GREB1: variants seen among roughly 807,000 people sequenced by gnomAD.
GREB1 encodes protein GREB1.
GREB1 carries 106 observed loss-of-function variants against 200.7 expected under a neutral mutation model. That is an observed-to-expected ratio of 0.53 (90% confidence interval 0.45 to 0.62). The LOEUF is 0.62. Ranked by LOEUF, GREB1 falls within the 20% of genes least tolerant of loss-of-function variation. The pLI, the probability that GREB1 is intolerant of heterozygous loss-of-function variation, is 0.00. For missense variants in GREB1, 2,243 were observed against 2,556.8 expected (o/e 0.88, Z 2.65); for synonymous variants, 1,132 against 1,092.4 (o/e 1.04, Z -0.72).
chr2:11,576,693 G>C (rs778059094), intron 5 of GREB1, among the ~76,000 whole-genome samples, 158 bp downstream of exon 5: 1 of 152,212 alleles, frequency 6.6e-6, no homozygotes, highest in African/African-American at 2.4e-5. Context: ...TTTGCGTTAC[G>C]GGCGTTAAGC....
At chr2:11,589,678 C>T (rs886538639) in intron 10 of GREB1, among the ~76,000 whole-genome samples, 1 of 152,096 alleles carries the variant, frequency 6.6e-6, no homozygotes, top group Non-Finnish European at 1.5e-5. Flanking sequence ...GACGCAGTGG[C>T]GGAAATGGAG....
rs1672813982 is a variant in GREB1 at position 11,493,476 on chromosome 2, G to A, written c.-159+11095G>A. Among the ~76,000 whole-genome samples the A allele has an allele frequency of 2.0e-5, 3 of 152,172 alleles. No individual in the cohort carries two copies. The highest frequency in any genetic ancestry group is 4.8e-5 in the African/African-American group (2 of 41,426). The stretch of plus-strand genomic sequence containing the variant: ...CAGGAGGTGGAGCTCAGGTGGTAAT[G>A]ACAGCAATGGGGAGCGACTGTAAAT... On this transcript the variant is annotated intron_variant, in intron 1 of 2. Coordinates refer to the GREB1 transcript ENST00000628795. The surrounding 1 kb of genome is among the most constrained non-coding windows in gnomAD (Gnocchi z 4.6).
intron 1 of GREB1, among the ~76,000 whole-genome samples, chr2:11,552,772 G>A (rs563174896): frequency 1.3e-5 from 2 of 152,208 alleles, no homozygotes; most frequent in Admixed American, 6.5e-5. Flanking sequence ...AGCACTTTGG[G>A]AGGCCGAGGC....
At chr2:11,521,104 T>G (rs1266820577) in intron 1 of GREB1, among the ~76,000 whole-genome samples, 3 of 152,060 alleles carry the variant, frequency 2.0e-5, no homozygotes, top group Non-Finnish European at 4.4e-5. Flanking sequence ...GCTGGTCTTT[T>G]CTCTTCTTTG....
At chr2:11,507,428 G>A (rs1340763473) in intron 1 of GREB1, among the ~76,000 whole-genome samples, 6 of 147,536 alleles carry the variant, frequency 4.1e-5, no homozygotes, top group African/African-American at 1.5e-4. Flanking sequence ...ACCATAAACC[G>A]AAAAACAATA....
intron 4 of GREB1, among the ~76,000 whole-genome samples, chr2:11,572,548 T>C (rs759255207): frequency 1.3e-5 from 2 of 152,122 alleles, no homozygotes; most frequent in Admixed American, 1.3e-4. Flanking sequence ...GCCTTCCCTT[T>C]GATGGTTGGA....
At chr2:11,566,131 G>A (rs558363640) in intron 3 of GREB1, among the ~76,000 whole-genome samples, 1 of 152,032 alleles carries the variant, frequency 6.6e-6, no homozygotes, top group African/African-American at 2.4e-5. Context: ...TGATTCTCCT[G>A]CCCCAGCCTG....
intron 1 of GREB1, among the ~76,000 whole-genome samples, chr2:11,537,728 A>G (rs7606982): frequency 0.24 from 35,305 of 147,026 alleles, 5,771 homozygotes; most frequent in African/African-American, 0.46. Flanking sequence ...TGATATTTAT[A>G]TAATATATAA....
chr2:11,527,694 A>G (rs1176996545), intron 1 of GREB1, among the ~76,000 whole-genome samples: 1 of 152,212 alleles, frequency 6.6e-6, no homozygotes, highest in East Asian at 1.9e-4. Flanking sequence ...CCTAGGCTCC[A>G]TAGATTCTAT....
intron 1 of GREB1, among the ~76,000 whole-genome samples, chr2:11,555,652 C>T (rs780594279): frequency 6.6e-6 from 1 of 152,080 alleles, no homozygotes; most frequent in African/African-American, 2.4e-5. Flanking sequence ...CTGAATGATT[C>T]CATTTATACA....
chr2:11,575,610 A>T (rs182679845), intron 4 of GREB1, among the ~76,000 whole-genome samples: 3 of 152,214 alleles, frequency 2.0e-5, no homozygotes, highest in Non-Finnish European at 4.4e-5. Flanking sequence ...ACTGGCTGCT[A>T]AGCCACGGAA....
chr2:11,607,757 T>C lies in GREB1; in HGVS notation c.2667-2931T>C, dbSNP rs181672447. Among the ~76,000 whole-genome samples, 145 of 152,130 alleles carry C rather than the reference T, an allele frequency of 9.5e-4. 1 individual carries two copies. Among genetic ancestry groups the C allele is most frequent in the African/African-American group, 3.3e-3 (139 of 41,534 alleles). On this transcript the variant is annotated intron_variant, in intron 17 of 32. Coordinates refer to ENST00000381486, the MANE Select transcript of GREB1 (RefSeq NM_014668.4). ...TGATGATACATAGTTACTGTGTTTA[T>C]TAATCAGGACTCTTTGTTGCAAGTA...
chr2:11,514,880 GCA>G (rs1357224847), intron 1 of GREB1, among the ~76,000 whole-genome samples: 1 of 152,212 alleles, frequency 6.6e-6, no homozygotes, highest in Non-Finnish European at 1.5e-5. Flanking sequence ...GCTGTGCTTG[GCA>G]CAGAGTGGGC....
At position 11,539,058 on chromosome 2, in the gene GREB1, CTTCT is replaced by C. The variant is rs1254170439; in HGVS notation, c.-162+4805_-162+4808del. Among the ~76,000 whole-genome samples the C allele has an allele frequency of 2.1e-3, 239 of 116,322 alleles. 2 individuals carry two copies. The highest frequency in any genetic ancestry group is 5.4e-3 in the African/African-American group (199 of 36,828). 76.3% of individuals were successfully genotyped at this position (116,322 alleles called of 152,430 possible). A position where few individuals can be genotyped will look rare whatever the true frequency, so the allele number is the denominator to read the frequency against. On this transcript the variant is annotated intron_variant, in intron 1 of 32. Coordinates refer to ENST00000381486, the MANE Select transcript of GREB1 (RefSeq NM_014668.4). Reference sequence around the variant, plus strand: ...CTTCTCTTCTCTTCTCTTCTCTTCTCTTCTCTTCTCTTATGATAGGGTCTCACTT... The same window carrying C: ...CTTCTCTTCTCTTCTCTTCTCTTCTCCTTCTCTTATGATAGGGTCTCACTT...
chr2:11,642,157 C>G lies in GREB1; in HGVS notation c.*1703C>G, dbSNP rs1415451146. On this transcript the variant is annotated 3_prime_UTR_variant, in exon 33 of 33. Coordinates refer to ENST00000381486, the MANE Select transcript of GREB1 (RefSeq NM_014668.4). ...GGAGACGGAGTTTCACTCTTGCTGC[C>G]CAGGCTGGAGTGCAATGGTGCAATG... The G allele has an allele frequency of 6.6e-6, 1 of 151,990 alleles. No individual in the cohort carries two copies. Among genetic ancestry groups the G allele is most frequent in the East Asian group, 1.9e-4 (1 of 5,182 alleles). The allele number at this position is 151,990 out of a possible 1,614,324, so 9.4% of individuals were successfully genotyped here.
In GREB1 at chr2:11,618,564, C is replaced by T. The variant is rs1402515469; in HGVS notation, c.3689C>T (p.Ser1230Phe). ...CTGTCCTCCTCCTCGGGCTCATCCT[C>T]CTCATCCGTGGCGCCCGCTGCCGGC... is the stretch of plus-strand genomic sequence containing the variant. ...SQLSSSSGSS[S>F]SSVAPAAGTW... The change falls in exon 22 of 33, where the codon TCC becomes TTC. Residue 1230 changes from serine to phenylalanine, a missense_variant. By Grantham distance (155) the Ser-to-Phe change is radical. This residue lies in a region of GREB1 where 587 missense variants were observed against 553.1 expected (regional missense o/e 1.06). Coordinates refer to ENST00000381486, the MANE Select transcript of GREB1 (RefSeq NM_014668.4). 6.2e-7 allele frequency: 1 copy of T among 1,612,976 alleles called. No homozygotes were observed. Among genetic ancestry groups the T allele is most frequent in the Admixed American group, 1.7e-5 (1 of 59,984 alleles).
Position 11,610,935 on chromosome 2 carries a change from G to T in GREB1, c.2914G>T (p.Ala972Ser). Reference sequence around the variant, plus strand: ...CTATGAGCGGCTGGCCCACGTGCGGGCCCGGCTGGCGCTGGAGGAGCACTT... The same window carrying T: ...CTATGAGCGGCTGGCCCACGTGCGGTCCCGGCTGGCGCTGGAGGAGCACTT... Reference protein sequence around the residue: ...VAYERLAHVRARLALEEHFEI... With the variant: ...VAYERLAHVRSRLALEEHFEI... The change falls in exon 18 of 33, where the codon GCC becomes TCC. Residue 972 changes from alanine to serine, a missense_variant. Ala to Ser is a moderately conservative substitution (Grantham distance 99). Transcript: ENST00000381486. 6.2e-7 allele frequency: 1 copy of T among 1,611,146 alleles called. No homozygotes were observed. The highest frequency in any genetic ancestry group is 8.5e-7 in the Non-Finnish European group (1 of 1,179,116).
chr2:11,605,898 A>G (rs1682235667), intron 17 of GREB1, among the ~76,000 whole-genome samples: 1 of 152,258 alleles, frequency 6.6e-6, no homozygotes, highest in African/African-American at 2.4e-5. Context: ...TTACAGATAA[A>G]GGTGCTATGA....
chr2:11,511,884 C>T lies in GREB1; in HGVS notation c.-159+29503C>T, dbSNP rs115930652. Among the ~76,000 whole-genome samples, 923 of 152,250 alleles carry T rather than the reference C, an allele frequency of 6.1e-3. 10 individuals are homozygous for T. The highest frequency in any genetic ancestry group is 0.021 in the African/African-American group (882 of 41,536). ...GACACACCTCGGATGCCTGGCCCAG[C>T]GCTGGTCCGTGGAGGAGACCTTGGT... On this transcript the variant is annotated intron_variant, in intron 1 of 2. Coordinates refer to the GREB1 transcript ENST00000628795.
Sources: allele counts gnomAD v4.1 joint callset (sites outside exome capture counted in the v4.1 genomes callset), GRCh38; gene constraint gnomAD v4.1.1; regional missense constraint gnomAD v4.1.1; non-coding constraint Gnocchi (gnomAD v3.1); transcripts MANE v1.5; gene names NCBI Gene and HGNC (gene_info 2026-07-23, HGNC 2026-07-21).